ATP8A2: variants seen among roughly 807,000 people sequenced by gnomAD.
ATP8A2 encodes the protein phospholipid-transporting ATPase IB.
In ATP8A2, 100 loss-of-function variants were observed where a neutral mutation model predicts 165.6. That is an observed-to-expected ratio of 0.60 (90% confidence interval 0.51 to 0.71). The LOEUF is 0.71. Among genes scored for constraint, ATP8A2 ranks in the 30% least tolerant of loss-of-function variants. ATP8A2 has a pLI of 0.00. For missense variants in ATP8A2, 1,227 were observed against 1,479.5 expected, an observed-to-expected ratio of 0.83 and a Z score of 2.80; for synonymous variants, 543 against 548.8, an observed-to-expected ratio of 0.99 and a Z score of 0.15.
At chr13:25,491,463 A>G (rs1483312183) in intron 2 of ATP8A2, among the ~76,000 whole-genome samples, 1 of 152,124 alleles carries the variant, frequency 6.6e-6, no homozygotes, top group Non-Finnish European at 1.5e-5. Flanking sequence ...CCTGGCCTCA[A>G]GTGATCCTTC....
chr13:25,736,504 C>A (rs1274264477), intron 25 of ATP8A2, among the ~76,000 whole-genome samples: 1 of 152,130 alleles, frequency 6.6e-6, no homozygotes. Flanking sequence ...TAGAGGTTGG[C>A]ATGATTCGTT....
chr13:25,815,659 A>G (rs993519957), intron 27 of ATP8A2, among the ~76,000 whole-genome samples: 2 of 152,202 alleles, frequency 1.3e-5, no homozygotes, highest in African/African-American at 2.4e-5. Context: ...TAGAATTACT[A>G]TATGATCCAG....
intron 25 of ATP8A2, among the ~76,000 whole-genome samples, chr13:25,729,412 G>A (rs1296382682): frequency 2.6e-5 from 4 of 152,124 alleles, no homozygotes; most frequent in East Asian, 1.9e-4. Flanking sequence ...ACATATTTTC[G>A]TATGTTGTCT....
chr13:25,968,524 C>A, intron 34 of ATP8A2, 51 bp from the exon 35 acceptor site: 1 of 1,518,716 alleles, frequency 6.6e-7, no homozygotes, highest in Non-Finnish European at 9.1e-7. Context: ...TCTTTCCCAG[C>A]TGTGTCAAGT....
chr13:25,517,963 A>T (rs1159313476), intron 2 of ATP8A2, among the ~76,000 whole-genome samples: 1 of 152,042 alleles, frequency 6.6e-6, no homozygotes, highest in Non-Finnish European at 1.5e-5. Context: ...TTTGGGAGGG[A>T]TGGTGGCAAA....
chr13:25,645,478 T>A (rs988597858), intron 24 of ATP8A2, among the ~76,000 whole-genome samples: 1 of 152,204 alleles, frequency 6.6e-6, no homozygotes, highest in Non-Finnish European at 1.5e-5. Flanking sequence ...GTTCTTCTTT[T>A]TCTGTTTCCT....
chr13:25,831,628 A>C (rs1180809112), intron 28 of ATP8A2, among the ~76,000 whole-genome samples: 1 of 152,084 alleles, frequency 6.6e-6, no homozygotes, highest in Admixed American at 6.5e-5. Context: ...GGATCACCTG[A>C]GGTCAAGAGT....
At chr13:25,811,188 A>T (rs146615534) in intron 27 of ATP8A2, among the ~76,000 whole-genome samples, 1 of 152,188 alleles carries the variant, frequency 6.6e-6, no homozygotes, top group Non-Finnish European at 1.5e-5. Flanking sequence ...ATGTAATCAC[A>T]TGATTTAAAA....
chr13:25,766,983 G>T (rs1341736888), intron 25 of ATP8A2, among the ~76,000 whole-genome samples: 1 of 152,202 alleles, frequency 6.6e-6, no homozygotes, highest in Non-Finnish European at 1.5e-5. Context: ...AAAAGCAGGG[G>T]CTCATGGACT....
chr13:25,903,857 A>G (rs891558114), intron 33 of ATP8A2, among the ~76,000 whole-genome samples: 3 of 152,206 alleles, frequency 2.0e-5, no homozygotes, highest in Non-Finnish European at 4.4e-5. Flanking sequence ...CACACAATGT[A>G]TAAGCTCTAT....
chr13:25,807,257 T>C lies in ATP8A2; in HGVS notation c.2680-20861T>C, dbSNP rs189805924. ...TTTGGTGCCTTATCTAAAAAATTAC[T>C]GCCTAGCCCAAGGTCAAAAAACTTT... On this transcript the variant is annotated intron_variant, in intron 27 of 36. Transcript: ENST00000381655. 3.0e-3 allele frequency among the ~76,000 whole-genome samples: 457 copies of C among 152,258 alleles called. 5 individuals carry two copies. Among genetic ancestry groups the C allele is most frequent in the African/African-American group, 0.01 (427 of 41,570 alleles).
chr13:25,772,573 C>T (rs2044646038), intron 26 of ATP8A2, among the ~76,000 whole-genome samples: 1 of 152,054 alleles, frequency 6.6e-6, no homozygotes, highest in South Asian at 2.1e-4. Flanking sequence ...TTCCCCTCAC[C>T]TCCTGGAAGA....
intron 2 of ATP8A2, among the ~76,000 whole-genome samples, chr13:25,491,248 A>G (rs988286424): frequency 6.6e-6 from 1 of 152,128 alleles, no homozygotes; most frequent in East Asian, 1.9e-4. Flanking sequence ...CTCTGTCTCC[A>G]GTGCCCACAA....
At chr13:25,771,794 C>G (rs1399965412) in intron 26 of ATP8A2, among the ~76,000 whole-genome samples, 1 of 152,174 alleles carries the variant, frequency 6.6e-6, no homozygotes, top group Non-Finnish European at 1.5e-5. Flanking sequence ...ACCTCATAAC[C>G]TTTGCACCAA....
intron 33 of ATP8A2, among the ~76,000 whole-genome samples, chr13:25,945,623 A>G (rs1208829542): frequency 6.6e-6 from 1 of 152,206 alleles, no homozygotes; most frequent in Non-Finnish European, 1.5e-5. Flanking sequence ...AAAGAGTAAT[A>G]GTGAGAGGGA....
intron 24 of ATP8A2, among the ~76,000 whole-genome samples, chr13:25,611,710 T>C (rs1288971903): frequency 6.6e-6 from 1 of 152,166 alleles, no homozygotes; most frequent in Non-Finnish European, 1.5e-5. Flanking sequence ...TCAATAGGAT[T>C]GGTACCAATG....
At chr13:26,018,321 T>A (rs946442472) in intron 36 of ATP8A2, among the ~76,000 whole-genome samples, 2 of 152,208 alleles carry the variant, frequency 1.3e-5, no homozygotes, top group Non-Finnish European at 2.9e-5. Flanking sequence ...CTCCTCCTCT[T>A]CTCCATCCCA....
At chr13:25,972,820 A>G (rs372632468) in intron 35 of ATP8A2, among the ~76,000 whole-genome samples, 34 of 152,322 alleles carry the variant, frequency 2.2e-4, no homozygotes, top group African/African-American at 8.2e-4. Flanking sequence ...TTTTACAGAT[A>G]CAATATAAAC....
At chr13:25,627,232 T>C (rs1244148381) in intron 24 of ATP8A2, among the ~76,000 whole-genome samples, 7 of 151,600 alleles carry the variant, frequency 4.6e-5, no homozygotes, top group Non-Finnish European at 1.0e-4. Context: ...ACATAGGAGG[T>C]GGTGTGGCAG....
Sources: allele counts gnomAD v4.1 joint callset (sites outside exome capture counted in the v4.1 genomes callset), GRCh38; gene constraint gnomAD v4.1.1; transcripts MANE v1.5; gene names NCBI Gene and HGNC (gene_info 2026-07-23, HGNC 2026-07-21).